The following TPCN1 variants were observed in gnomAD, a reference collection of about 807,000 sequenced individuals.
The protein encoded by TPCN1 is two pore segment channel 1.
Under a neutral mutation model 108.8 loss-of-function variants are expected in TPCN1, and 52 were observed. That is an observed-to-expected ratio of 0.48 (90% CI 0.38 to 0.60). The LOEUF (loss-of-function observed/expected upper bound fraction) is 0.60, where lower values mean the gene tolerates loss of function less well. TPCN1 is among the 20% of genes least tolerant of loss of function. The pLI, the probability that TPCN1 is intolerant of heterozygous loss-of-function variation, is 0.00. For synonymous variants in TPCN1, 446 were observed against 433.7 expected (o/e 1.03, Z -0.35); for missense variants, 806 against 1,072.8 (o/e 0.75, Z 3.47).
At position 113,288,749 on chromosome 12, in the gene TPCN1, G is replaced by GC. The variant is rs774257808; in HGVS notation, c.1707-5dup. 268 of 1,611,464 alleles carry GC rather than the reference G, an allele frequency of 1.7e-4. No individual in the cohort carries two copies. The highest frequency in any genetic ancestry group is 1.2e-3 in the Admixed American group (69 of 59,998). On this transcript the variant is annotated splice_polypyrimidine_tract_variant and intron_variant, in intron 20 of 27. Coordinates refer to ENST00000335509, the MANE Select transcript of TPCN1 (RefSeq NM_017901.6). The surrounding 1 kb of genome is among the most constrained non-coding windows in gnomAD (Gnocchi z 4.8). ...GGCCCCGCGTCACCCTGCCCCTGTC[G>GC]CCCCACAGCCTGGGCCTCACCCTGC... is the stretch of plus-strand genomic sequence containing the variant.
chr12:113,296,242 C>G lies in TPCN1; in HGVS notation c.*166C>G, dbSNP rs1354720899. ...GGGCTTGGTTTATAACCACCTTGCC[C>G]TGTCTTCCTTAACTCCAGAAGCCAG... On this transcript the variant is annotated 3_prime_UTR_variant, in exon 28 of 28. Transcript: ENST00000335509. The G allele has an allele frequency of 4.4e-6, 5 of 1,145,162 alleles. No homozygotes were observed. The highest frequency in any genetic ancestry group is 1.5e-5 in the African/African-American group (1 of 64,688). The allele number at this position is 1,145,162 out of a possible 1,614,324, so 70.9% of individuals were successfully genotyped here. A position where few individuals can be genotyped will look rare whatever the true frequency, so the allele number is the denominator to read the frequency against.
At chr12:113,287,359 T>C in intron 19 of TPCN1, 1 of 459,970 alleles carries the variant, frequency 2.2e-6, no homozygotes, top group Non-Finnish European at 3.9e-6. Context: ...TGAGGTGGCA[T>C]TGCACCAGCG....
At chr12:113,244,322 C>T (rs2136490227) in intron 2 of TPCN1, 1 of 985,500 alleles carries the variant, frequency 1.0e-6, no homozygotes, top group African/African-American at 1.7e-5. Flanking sequence ...GCCAGCAATT[C>T]AACTGGGAGG....
In TPCN1 at chr12:113,232,908, T is replaced by C. The variant is rs1226062249; in HGVS notation, c.112+5944T>C. On this transcript the variant is annotated intron_variant, in intron 2 of 27. Coordinates refer to ENST00000335509, the MANE Select transcript of TPCN1 (RefSeq NM_017901.6). This position sits in a 1 kb window ranked among gnomAD's most constrained non-coding sequence, Gnocchi z 5.6. ...CCCCTGCCAAGCTGGGACGCCTCCG[T>C]GTAGCAGCTGGAGACCAAGCAGCAA... 6.6e-6 allele frequency among the ~76,000 whole-genome samples: 1 copy of C among 152,160 alleles called. No individual in the cohort carries two copies. Among genetic ancestry groups the C allele is most frequent in the East Asian group, 1.9e-4 (1 of 5,194 alleles).
intron 7 of TPCN1, among the ~76,000 whole-genome samples, chr12:113,270,112 C>T (rs1955431092): frequency 2.0e-5 from 3 of 152,044 alleles, no homozygotes; most frequent in Admixed American, 2.0e-4. Flanking sequence ...AGGAGAATTG[C>T]TTGAACCCGG....
At position 113,266,611 on chromosome 12, in the gene TPCN1, T is replaced by C. The variant is rs1159562009; in HGVS notation, c.414+255T>C. On this transcript the variant is annotated intron_variant, in intron 4 of 27. Transcript: ENST00000335509. The surrounding 1 kb of genome is among the most constrained non-coding windows in gnomAD (Gnocchi z 4.2). ...GGAGGGGAAGTGTCCCAGGCCCTGC[T>C]CAGGACCAGTGCCCACACCTTGGCT... Among the ~76,000 whole-genome samples, 1 of 152,114 alleles carries C rather than the reference T, an allele frequency of 6.6e-6. No homozygotes were observed. Among genetic ancestry groups the C allele is most frequent in the African/African-American group, 2.4e-5 (1 of 41,416 alleles).
intron 15 of TPCN1, among the ~76,000 whole-genome samples, chr12:113,283,095 A>AG (rs944293104): frequency 6.6e-6 from 1 of 152,176 alleles, no homozygotes; most frequent in African/African-American, 2.4e-5. Context: ...GCAAAAAAAA[A>AG]TTATGTAAAA....
At chr12:113,245,582 C>A (rs1292159438) in intron 2 of TPCN1, among the ~76,000 whole-genome samples, 2 of 97,488 alleles carry the variant, frequency 2.1e-5, no homozygotes, top group Non-Finnish European at 3.6e-5. Context: ...GCCTGGGCGA[C>A]AGAGCAAGAC....
At chr12:113,293,417 C>T in intron 27 of TPCN1, 68 bp downstream of exon 27, 1 of 1,421,556 alleles carries the variant, frequency 7.0e-7, no homozygotes, top group Non-Finnish European at 9.9e-7. Flanking sequence ...CAGGGAGCTG[C>T]TCTCTGGCCC....
rs1956164010 is a variant in TPCN1 at position 113,288,487 on chromosome 12, A to C, written c.1706+253A>C. On this transcript the variant is annotated intron_variant, in intron 20 of 27. Transcript: ENST00000335509. This position sits in a 1 kb window ranked among gnomAD's most constrained non-coding sequence, Gnocchi z 4.8. ...CAACTCGCTTACCACCTGTGTCTAC[A>C]TTCACAGGTAAGGGGTCACCTGTGA... 1 of 1,503,792 alleles carries C rather than the reference A, an allele frequency of 6.6e-7. No homozygotes were observed. The highest frequency in any genetic ancestry group is 8.9e-7 in the Non-Finnish European group (1 of 1,129,172). The allele number at this position is 1,503,792 out of a possible 1,614,324, so 93.2% of individuals were successfully genotyped here. A position where few individuals can be genotyped will look rare whatever the true frequency, so the allele number is the denominator to read the frequency against.
chr12:113,262,946 T>C (rs1278157828), intron 3 of TPCN1, among the ~76,000 whole-genome samples: 1 of 152,244 alleles, frequency 6.6e-6, no homozygotes, highest in Non-Finnish European at 1.5e-5. Context: ...GCATCACTTA[T>C]GAACTGACCT....
chr12:113,225,423 A>T, intron 1 of TPCN1: 1 of 329,298 alleles, frequency 3.0e-6, no homozygotes, highest in Non-Finnish European at 6.1e-6. Flanking sequence ...GAGGTAGGAC[A>T]TATTGGCCCT....
chr12:113,276,997 G>A lies in TPCN1; in HGVS notation c.1021G>A (p.Ala341Thr), dbSNP rs1351204389. 6 of 1,614,044 alleles carry A rather than the reference G, an allele frequency of 3.7e-6. No homozygotes were observed. Among genetic ancestry groups the A allele is most frequent in the East Asian group, 4.5e-5 (2 of 44,878 alleles). The change falls in exon 11 of 28, where the codon GCT becomes ACT. Residue 341 changes from alanine to threonine, a missense_variant. By Grantham distance (58) the Ala-to-Thr change is moderately conservative. Coordinates refer to ENST00000335509, the MANE Select transcript of TPCN1 (RefSeq NM_017901.6). ...GTCTTTGCTACTGCACAAGCGAACC[G>A]CTATCCAGCATGCCTACCGCCTGCT... is the stretch of plus-strand genomic sequence containing the variant. The part of the protein sequence containing the change: ...FKSLLLHKRT[A>T]IQHAYRLLIS...
chr12:113,279,208 C>G (rs1415473823), intron 14 of TPCN1, among the ~76,000 whole-genome samples: 1 of 151,142 alleles, frequency 6.6e-6, no homozygotes, highest in East Asian at 1.9e-4. Flanking sequence ...GTGTTTCCCT[C>G]TGTGCCATTT....
intron 2 of TPCN1, among the ~76,000 whole-genome samples, chr12:113,243,684 G>A (rs2136487275): frequency 6.6e-6 from 1 of 150,978 alleles, no homozygotes; most frequent in African/African-American, 2.4e-5. Flanking sequence ...AACTTGAGAG[G>A]TGGAGGTTGC....
intron 2 of TPCN1, among the ~76,000 whole-genome samples, chr12:113,241,866 A>G (rs1681803444): frequency 6.6e-6 from 1 of 152,114 alleles, no homozygotes; most frequent in Admixed American, 6.6e-5. Flanking sequence ...AAAACACTTT[A>G]CACATGACGG....
chr12:113,226,388 C>G (rs1953471353), intron 1 of TPCN1, among the ~76,000 whole-genome samples: 1 of 152,114 alleles, frequency 6.6e-6, no homozygotes, highest in African/African-American at 2.4e-5. Flanking sequence ...TTAAGCAATT[C>G]TCATGCCTCA....
Position 113,268,682 on chromosome 12 carries a change from G to C in TPCN1, c.529-60G>C, listed in dbSNP as rs904937168. The stretch of plus-strand genomic sequence containing the variant: ...CTGCCTCTCCAGCCCCCCGTTCCAG[G>C]TATGCAGGATGACGGCTGGGCTGCA... On this transcript the variant is annotated intron_variant, in intron 5 of 27. Coordinates refer to ENST00000335509, the MANE Select transcript of TPCN1 (RefSeq NM_017901.6). This position sits in a 1 kb window ranked among gnomAD's most constrained non-coding sequence, Gnocchi z 7.3. 4 of 1,599,624 alleles carry C rather than the reference G, an allele frequency of 2.5e-6. No homozygotes were observed. The highest frequency in any genetic ancestry group is 3.4e-6 in the Non-Finnish European group (4 of 1,173,740).
chr12:113,273,495 C>T lies in TPCN1; in HGVS notation c.843-74C>T, dbSNP rs1195518882. ...CTGGGAAGGCAGACAAGGAGCTGTC[C>T]TCTGCAAGGCATGTGCTCTGAGAGG... On this transcript the variant is annotated intron_variant, in intron 9 of 27. Coordinates refer to ENST00000335509, the MANE Select transcript of TPCN1 (RefSeq NM_017901.6). The surrounding 1 kb of genome is among the most constrained non-coding windows in gnomAD (Gnocchi z 4.0). 1.0e-5 allele frequency: 14 copies of T among 1,349,372 alleles called. No homozygotes were observed. The Admixed American group carries it at 1.3e-4, about 13-fold the overall frequency. The allele number at this position is 1,349,372 out of a possible 1,614,324, so 83.6% of individuals were successfully genotyped here. A position where few individuals can be genotyped will look rare whatever the true frequency, so the allele number is the denominator to read the frequency against.
Sources: allele counts gnomAD v4.1 joint callset (sites outside exome capture counted in the v4.1 genomes callset), GRCh38; gene constraint gnomAD v4.1.1; non-coding constraint Gnocchi (gnomAD v3.1); transcripts MANE v1.5; gene names NCBI Gene and HGNC (gene_info 2026-07-23, HGNC 2026-07-21).